GNAS: variants seen among roughly 807,000 people sequenced by gnomAD.
GNAS encodes the protein protein ALEX.
In GNAS, 8 loss-of-function variants were observed where a neutral mutation model predicts 54.5. The ratio of observed to expected loss-of-function variants is 0.15; its 90% CI spans 0.09 to 0.26. The LOEUF (loss-of-function observed/expected upper bound fraction) is 0.26, where lower values mean the gene tolerates loss of function less well. GNAS is among the 10% of genes least tolerant of loss of function. GNAS has a pLI of 1.00. For missense variants in GNAS, 170 were observed against 529.8 expected, an observed-to-expected ratio of 0.32 and a Z score of 6.67; for synonymous variants, 204 against 191.4, an observed-to-expected ratio of 1.07 and a Z score of -0.54.
chr20:58,875,390 C>T (rs1028682259), intron 1 of GNAS, among the ~76,000 whole-genome samples: 2 of 152,140 alleles, frequency 1.3e-5, no homozygotes, highest in Non-Finnish European at 2.9e-5. Context: ...TCATAAAGAG[C>T]TTTAGAGGCC....
Position 58,853,165 on chromosome 20 carries a change from C to T in GNAS, c.43+12279C>T. On this transcript the variant is annotated intron_variant, in intron 1 of 12. Coordinates refer to the GNAS transcript ENST00000306090. The surrounding 1 kb of genome is among the most constrained non-coding windows in gnomAD (Gnocchi z 4.4). ...AGGCCGGTGAACTTTCCAGCTGGTA[C>T]TTTGATTTTAAAATAATAATAATAA... 1.4e-6 allele frequency: 2 copies of T among 1,440,988 alleles called. No homozygotes were observed. The highest frequency in any genetic ancestry group is 1.8e-6 in the Non-Finnish European group (2 of 1,099,766). 89.3% of individuals were successfully genotyped at this position (1,440,988 alleles called of 1,614,324 possible).
rs549534369 is a variant in GNAS at position 58,845,316 on chromosome 20, C to CT, written c.43+4433dup. Among the ~76,000 whole-genome samples the CT allele has an allele frequency of 9.9e-5, 15 of 152,230 alleles. No homozygotes were observed. In the South Asian group the frequency reaches 2.9e-3, roughly 29 times the overall value. On this transcript the variant is annotated intron_variant, in intron 1 of 12. Coordinates refer to the GNAS transcript ENST00000306090. ...TTTGAGATAAACCAGTTTTCTCAACCTTTGTTTTTTTCATGATCACTCCCC... is the reference window on the plus strand; with the variant it reads ...TTTGAGATAAACCAGTTTTCTCAACCTTTTGTTTTTTTCATGATCACTCCCC...
intron 1 of GNAS, among the ~76,000 whole-genome samples, chr20:58,858,963 G>T (rs1284910538): frequency 1.3e-5 from 2 of 152,058 alleles, no homozygotes; most frequent in African/African-American, 2.4e-5. Flanking sequence ...GCTTCTCAAA[G>T]TCTGAAATTC....
At position 58,856,927 on chromosome 20, in the gene GNAS, C is replaced by T. The variant is rs1326498234; in HGVS notation, c.43+16041C>T. 6.6e-6 allele frequency: 1 copy of T among 151,188 alleles called. No individual in the cohort carries two copies. Among genetic ancestry groups the T allele is most frequent in the Non-Finnish European group, 1.5e-5 (1 of 67,858 alleles). The allele number at this position is 151,188 out of a possible 1,614,324, so 9.4% of individuals were successfully genotyped here. A position where few individuals can be genotyped will look rare whatever the true frequency, so the allele number is the denominator to read the frequency against. ...CTGGCCATTCCCAGTTCCCCACCCT[C>T]CCCCCAGCCCCCCAAGACTTCTTAA... On this transcript the variant is annotated intron_variant, in intron 1 of 12. Coordinates refer to the GNAS transcript ENST00000306090. This position sits in a 1 kb window ranked among gnomAD's most constrained non-coding sequence, Gnocchi z 4.2.
chr20:58,845,614 A>G (rs926910832), intron 1 of GNAS, among the ~76,000 whole-genome samples: 1 of 150,156 alleles, frequency 6.7e-6, no homozygotes, highest in African/African-American at 2.4e-5. Flanking sequence ...TTTCTTACAT[A>G]TCAAAAGGCC....
chr20:58,856,063 T>G lies in GNAS; in HGVS notation c.43+15177T>G, dbSNP rs1446032326. The G allele has an allele frequency of 1.1e-5, 2 of 183,734 alleles. No individual in the cohort carries two copies. The highest frequency in any genetic ancestry group is 1.1e-4 in the Admixed American group (2 of 18,410). 11.4% of individuals were successfully genotyped at this position (183,734 alleles called of 1,614,324 possible). ...CGGGAAATAAGCGGGGCCCTTGGCCTGGGGGAGCGGGGAATCGCTTTTCGC... is the reference window on the plus strand; with the variant it reads ...CGGGAAATAAGCGGGGCCCTTGGCCGGGGGGAGCGGGGAATCGCTTTTCGC... On this transcript the variant is annotated intron_variant, in intron 1 of 12. Transcript: ENST00000306090. The surrounding 1 kb of genome is among the most constrained non-coding windows in gnomAD (Gnocchi z 4.2).
upstream of GNAS, chr20:58,839,974 T>G (rs1006953165): frequency 2.2e-6 from 2 of 919,418 alleles, no homozygotes; most frequent in Non-Finnish European, 3.4e-6. Flanking sequence ...CACAAGGAGG[T>G]GAGGCTGGGA....
chr20:58,855,802 G>T, intron 1 of GNAS: 1 of 606,170 alleles, frequency 1.6e-6, no homozygotes, highest in Non-Finnish European at 3.0e-6. Context: ...GTGTGTGTTG[G>T]TGTCCATATT....
rs759338380 is a variant in GNAS at position 58,853,732 on chromosome 20, C to A, written c.43+12846C>A. 2 of 1,613,860 alleles carry A rather than the reference C, an allele frequency of 1.2e-6. No individual in the cohort carries two copies. The highest frequency in any genetic ancestry group is 1.6e-4 in the Middle Eastern group (1 of 6,062). On this transcript the variant is annotated intron_variant, in intron 1 of 12. Coordinates refer to the GNAS transcript ENST00000306090. The surrounding 1 kb of genome is among the most constrained non-coding windows in gnomAD (Gnocchi z 4.4). ...AGACCAGGCCTGGGAGGATACAGCC[C>A]TCCACCAGAAGAAGCTATGCCCTTT...
In GNAS at chr20:58,872,689, G is replaced by C. The variant is rs562136411; in HGVS notation, c.44-22923G>C. ...AGGAAAGGTGAGGGGAAGAGAAAAG[G>C]GGGGAATTCAGCCAGAGGAGAACAG... On this transcript the variant is annotated intron_variant, in intron 1 of 12. Coordinates refer to the GNAS transcript ENST00000306090. Among the ~76,000 whole-genome samples, 3 of 152,260 alleles carry C rather than the reference G, an allele frequency of 2.0e-5. No homozygotes were observed. The East Asian group carries it at 5.8e-4, about 29-fold the overall frequency.
At chr20:58,904,696 A>T (rs1187048910) in intron 5 of GNAS, among the ~76,000 whole-genome samples, 1 of 152,268 alleles carries the variant, frequency 6.6e-6, no homozygotes, top group East Asian at 1.9e-4. Context: ...TGCAAACTTA[A>T]ATTGGAGAAA....
chr20:58,839,840 C>G, upstream of GNAS: 1 of 595,704 alleles, frequency 1.7e-6, no homozygotes. Flanking sequence ...GAGAGGAGCC[C>G]GGGAGGAGAC....
intron 2 of GNAS, among the ~76,000 whole-genome samples, chr20:58,896,907 A>C (rs1270529266): frequency 6.6e-6 from 1 of 152,174 alleles, no homozygotes; most frequent in Non-Finnish European, 1.5e-5. Flanking sequence ...AACAAACAAA[A>C]AAACCTTTAC....
chr20:58,905,576 G>C, intron 6 of GNAS, 96 bp downstream of exon 6: 1 of 789,002 alleles, frequency 1.3e-6, no homozygotes, highest in Non-Finnish European at 2.3e-6. Context: ...ACTTGTTGAT[G>C]ATTCCTTTCT....
Position 58,853,118 on chromosome 20 carries a change from A to T in GNAS, c.43+12232A>T. On this transcript the variant is annotated intron_variant, in intron 1 of 12. Coordinates refer to the GNAS transcript ENST00000306090. The surrounding 1 kb of genome is among the most constrained non-coding windows in gnomAD (Gnocchi z 4.4). The stretch of plus-strand genomic sequence containing the variant: ...TTCCTTCCAGGCCTTGAACCCCCCA[A>T]CCTCACAAGGGTTGGAAAGTGAGGC... The T allele has an allele frequency of 2.8e-6, 4 of 1,426,994 alleles. No individual in the cohort carries two copies. Among genetic ancestry groups the T allele is most frequent in the Non-Finnish European group, 3.6e-6 (4 of 1,096,322 alleles). The allele number at this position is 1,426,994 out of a possible 1,614,324, so 88.4% of individuals were successfully genotyped here.
intron 1 of GNAS, chr20:58,842,377 G>A: frequency 2.5e-6 from 1 of 398,216 alleles, no homozygotes. Context: ...GGCTTGAGAT[G>A]AATGACGGTC....
chr20:58,909,823 C>T lies in GNAS; in HGVS notation c.839+19C>T. The T allele has an allele frequency of 6.2e-7, 1 of 1,612,904 alleles. No individual in the cohort carries two copies. Among genetic ancestry groups the T allele is most frequent in the South Asian group, 1.1e-5 (1 of 91,052 alleles). Reference sequence around the variant, plus strand: ...ACAACAGGTTTGTGGAGTGACCGCCCACCCCCTGCGCTTGCCCAGGAGGCC... The same window carrying T: ...ACAACAGGTTTGTGGAGTGACCGCCTACCCCCTGCGCTTGCCCAGGAGGCC... On this transcript the variant is annotated intron_variant, in intron 10 of 12. Coordinates refer to ENST00000371085, the MANE Select transcript of GNAS (RefSeq NM_000516.7). The surrounding 1 kb of genome is among the most constrained non-coding windows in gnomAD (Gnocchi z 7.3).
intron 1 of GNAS, among the ~76,000 whole-genome samples, chr20:58,893,423 A>C (rs6092704): frequency 0.15 from 23,105 of 152,132 alleles, 2,788 homozygotes; most frequent in African/African-American, 0.33. Flanking sequence ...TATCTGAATA[A>C]ATTTGTGAAT....
intron 3 of GNAS, chr20:58,899,885 G>A: frequency 1.4e-6 from 1 of 715,734 alleles, no homozygotes; most frequent in Non-Finnish European, 2.6e-6. Context: ...GGAGGGGAGG[G>A]GCAAAGATAT....
Sources: allele counts gnomAD v4.1 joint callset (sites outside exome capture counted in the v4.1 genomes callset), GRCh38; gene constraint gnomAD v4.1.1; non-coding constraint Gnocchi (gnomAD v3.1); transcripts MANE v1.5; gene names NCBI Gene and HGNC (gene_info 2026-07-23, HGNC 2026-07-21).